The following FOXP2 variants were observed in gnomAD, a reference collection of about 807,000 sequenced individuals.
FOXP2 encodes the protein forkhead box protein P2.
In FOXP2, 12 loss-of-function variants were observed where a neutral mutation model predicts 115.8. The observed-to-expected ratio is 0.10, with a 90% CI of 0.07 to 0.17. The LOEUF (loss-of-function observed/expected upper bound fraction) is 0.17. Ranked by LOEUF, FOXP2 falls within the 10% of genes least tolerant of loss-of-function variation. FOXP2 has a pLI of 1.00. For synonymous variants in FOXP2, 328 were observed against 297.7 expected (o/e 1.10, Z -1.05); for missense variants, 629 against 843.5 (o/e 0.75, Z 3.15).
intron 8 of FOXP2, among the ~76,000 whole-genome samples, chr7:114,648,417 T>C (rs1375073365): frequency 6.6e-6 from 1 of 152,134 alleles, no homozygotes; most frequent in Non-Finnish European, 1.5e-5. Flanking sequence ...AAGTGAAACA[T>C]TTTGTTAAAA....
chr7:114,202,865 T>G (rs1253721660), intron 1 of FOXP2, among the ~76,000 whole-genome samples: 1 of 152,228 alleles, frequency 6.6e-6, no homozygotes, highest in African/African-American at 2.4e-5. Context: ...TATTACTATT[T>G]AATAGATGTG....
chr7:114,244,646 A>G (rs546316307), intron 1 of FOXP2, among the ~76,000 whole-genome samples: 19 of 152,236 alleles, frequency 1.2e-4, no homozygotes, highest in Non-Finnish European at 2.2e-4. Flanking sequence ...CTATTTATCA[A>G]TTGGTTTTAT....
chr7:114,691,398 G>T lies in FOXP2; in HGVS notation c.*1472G>T, dbSNP rs1403595152. 1 of 453,910 alleles carries T rather than the reference G, an allele frequency of 2.2e-6. No individual in the cohort carries two copies. The highest frequency in any genetic ancestry group is 7.0e-5 in the East Asian group (1 of 14,388). The allele number at this position is 453,910 out of a possible 1,614,324, so 28.1% of individuals were successfully genotyped here. ...AAGATTATAGCAATTGTAGTCCATGGTATTTATTTTCAGTCAAACCAAAGT... is the reference window on the plus strand; with the variant it reads ...AAGATTATAGCAATTGTAGTCCATGTTATTTATTTTCAGTCAAACCAAAGT... On this transcript the variant is annotated 3_prime_UTR_variant, in exon 17 of 17. Coordinates refer to ENST00000350908, the MANE Select transcript of FOXP2 (RefSeq NM_014491.4).
At chr7:114,660,498 A>G (rs979671103) in intron 13 of FOXP2, among the ~76,000 whole-genome samples, 1 of 152,176 alleles carries the variant, frequency 6.6e-6, no homozygotes, top group African/African-American at 2.4e-5. Context: ...GAGATATGCT[A>G]AAGTGAATTA....
At chr7:114,216,893 G>A (rs1794498319) in intron 1 of FOXP2, among the ~76,000 whole-genome samples, 1 of 152,118 alleles carries the variant, frequency 6.6e-6, no homozygotes, top group Admixed American at 6.5e-5. Flanking sequence ...ATTCTGGCCA[G>A]AATGAAATCT....
intron 6 of FOXP2, among the ~76,000 whole-genome samples, chr7:114,634,834 G>A (rs530497629): frequency 3.7e-4 from 56 of 152,144 alleles, no homozygotes; most frequent in African/African-American, 1.3e-3. Context: ...TTTAAACATT[G>A]ATATGTTTGT....
chr7:114,438,482 A>G (rs1794451522), intron 2 of FOXP2, among the ~76,000 whole-genome samples: 1 of 151,918 alleles, frequency 6.6e-6, no homozygotes. Context: ...TTAAAGTCAT[A>G]TTATCCTATG....
chr7:114,443,495 C>G (rs10228494), intron 2 of FOXP2, among the ~76,000 whole-genome samples: 94,173 of 151,808 alleles, frequency 0.62, 30,448 homozygotes, highest in African/African-American at 0.8. Flanking sequence ...TGTGTCACGG[C>G]GTTTTAGTGT....
intron 2 of FOXP2, among the ~76,000 whole-genome samples, chr7:114,473,426 G>A (rs1796130094): frequency 2.0e-5 from 3 of 152,036 alleles, no homozygotes; most frequent in Non-Finnish European, 4.4e-5. Context: ...AGGAATCAGG[G>A]GTCTGCTTAT....
intron 1 of FOXP2, among the ~76,000 whole-genome samples, chr7:114,265,388 G>C (rs1353659783): frequency 6.6e-6 from 1 of 152,132 alleles, no homozygotes; most frequent in Non-Finnish European, 1.5e-5. Context: ...TTGACTCCAT[G>C]TCCCACATCC....
Position 114,663,433 on chromosome 7 carries a change from T to A in FOXP2, c.1770-17T>A. On this transcript the variant is annotated splice_polypyrimidine_tract_variant and intron_variant, in intron 14 of 16. Coordinates refer to ENST00000350908, the MANE Select transcript of FOXP2 (RefSeq NM_014491.4). ...TATTTTGACGTATAAATGATCTTTA[T>A]ATATTTTTTTTTTCAGAAGTCCAAC... The A allele has an allele frequency of 6.6e-7, 1 of 1,521,132 alleles. No individual in the cohort carries two copies. Among genetic ancestry groups the A allele is most frequent in the Non-Finnish European group, 9.1e-7 (1 of 1,101,584 alleles). 94.2% of individuals were successfully genotyped at this position (1,521,132 alleles called of 1,614,324 possible).
chr7:114,134,619 A>G (rs907596912), intron 1 of FOXP2, among the ~76,000 whole-genome samples: 20 of 150,328 alleles, frequency 1.3e-4, no homozygotes, highest in African/African-American at 4.9e-4. Flanking sequence ...AGGCTGAGGC[A>G]GGAGAATGGC....
At chr7:114,313,916 A>C (rs1797211472) in intron 2 of FOXP2, among the ~76,000 whole-genome samples, 1 of 152,102 alleles carries the variant, frequency 6.6e-6, no homozygotes, top group East Asian at 1.9e-4. Flanking sequence ...GTTGTAACTG[A>C]TCAATATTTT....
chr7:114,468,474 A>G (rs895169724), intron 2 of FOXP2, among the ~76,000 whole-genome samples: 36 of 152,128 alleles, frequency 2.4e-4, no homozygotes, highest in African/African-American at 8.2e-4. Context: ...TTTAGTGCCA[A>G]CTTACTTACC....
At chr7:114,332,733 T>C (rs1305475687) in intron 2 of FOXP2, among the ~76,000 whole-genome samples, 2 of 152,170 alleles carry the variant, frequency 1.3e-5, no homozygotes. Context: ...CCCCATTCAT[T>C]GTTCTGTCGA....
intron 1 of FOXP2, among the ~76,000 whole-genome samples, chr7:114,093,597 T>C (rs1370008122): frequency 6.6e-6 from 1 of 151,826 alleles, no homozygotes; most frequent in East Asian, 1.9e-4. Flanking sequence ...TCCATCTATA[T>C]CATTGCATAA....
chr7:114,235,040 A>C, intron 1 of FOXP2, among the ~76,000 whole-genome samples: 1 of 152,164 alleles, frequency 6.6e-6, no homozygotes, highest in East Asian at 1.9e-4. Context: ...ACCTCAGAAT[A>C]CTGTATATAA....
At chr7:114,635,762 A>G (rs912916073) in intron 6 of FOXP2, among the ~76,000 whole-genome samples, 2 of 152,048 alleles carry the variant, frequency 1.3e-5, no homozygotes, top group Admixed American at 6.6e-5. Flanking sequence ...TTATTTGGCA[A>G]TTCTTTACAT....
At chr7:114,214,163 T>C (rs182404240) in intron 1 of FOXP2, among the ~76,000 whole-genome samples, 152 of 152,342 alleles carry the variant, frequency 1.0e-3, no homozygotes, top group African/African-American at 3.6e-3. Context: ...TTTAGTTTGT[T>C]GTTCACTTAC....
Sources: allele counts gnomAD v4.1 joint callset (sites outside exome capture counted in the v4.1 genomes callset), GRCh38; gene constraint gnomAD v4.1.1; transcripts MANE v1.5; gene names NCBI Gene and HGNC (gene_info 2026-07-23, HGNC 2026-07-21).